Variants in SETX observed in about 807,000 individuals in gnomAD.
SETX encodes the protein helicase senataxin.
Under a neutral mutation model 227.2 loss-of-function variants are expected in SETX, and 90 were observed. The ratio of observed to expected loss-of-function variants is 0.40; its 90% CI spans 0.33 to 0.47. SETX has a LOEUF of 0.47. Among genes scored for constraint, SETX ranks in the 20% least tolerant of loss-of-function variants. The probability of loss-of-function intolerance (pLI) is 0.91; values close to 1 mark genes in which losing one functional copy is unlikely to be tolerated. For missense variants in SETX, 3,052 were observed against 3,181.5 expected, an observed-to-expected ratio of 0.96 and a Z score of 0.98; for synonymous variants, 1,210 against 1,113.2, an observed-to-expected ratio of 1.09 and a Z score of -1.73.
At chr9:132,315,172 C>T (rs1021204004) in intron 10 of SETX, among the ~76,000 whole-genome samples, 7 of 152,122 alleles carry the variant, frequency 4.6e-5, no homozygotes. Context: ...CTACTGTGGC[C>T]TTCCCAAGTG....
At chr9:132,277,031 C>CA (rs1417778497) in intron 22 of SETX, 29 bp downstream of exon 22, 2 of 1,560,008 alleles carry the variant, frequency 1.3e-6, no homozygotes, top group Non-Finnish European at 8.8e-7. Context: ...CTGGGACTAT[C>CA]AGAGGACTGA....
Position 132,299,675 on chromosome 9 carries a change from T to C in SETX, c.5548+955A>G, listed in dbSNP as rs141143343. On this transcript the variant is annotated intron_variant, in intron 12 of 25. Coordinates refer to ENST00000224140, the MANE Select transcript of SETX (RefSeq NM_015046.7). ...AGGCAGTTTGGCATAAGAAAAACAA[T>C]GTGGACTTTGCAGTCAACAAAAGCA... Among the ~76,000 whole-genome samples the C allele has an allele frequency of 3.3e-3, 496 of 152,320 alleles. 4 individuals are homozygous for C. Among genetic ancestry groups the C allele is most frequent in the African/African-American group, 0.011 (472 of 41,572 alleles).
intron 22 of SETX, among the ~76,000 whole-genome samples, chr9:132,275,875 G>A (rs1337741607): frequency 6.6e-6 from 1 of 152,104 alleles, no homozygotes; most frequent in Non-Finnish European, 1.5e-5. Flanking sequence ...ACCACTGGCT[G>A]CATACAACAC....
chr9:132,342,571 A>T, intron 5 of SETX, 119 bp downstream of exon 5: 2 of 856,938 alleles, frequency 2.3e-6, no homozygotes, highest in Non-Finnish European at 4.0e-6. Flanking sequence ...AGTAAATTTT[A>T]AAGCAAGAAA....
intron 5 of SETX, among the ~76,000 whole-genome samples, chr9:132,341,481 G>C (rs1847959548): frequency 6.6e-6 from 1 of 151,938 alleles, no homozygotes; most frequent in South Asian, 2.1e-4. Flanking sequence ...ATATAAATTT[G>C]GGCTGCTTTC....
At chr9:132,302,319 T>C (rs1296696206) in intron 11 of SETX, among the ~76,000 whole-genome samples, 2 of 126,930 alleles carry the variant, frequency 1.6e-5, no homozygotes, top group Non-Finnish European at 3.1e-5. Context: ...ATCACACCAC[T>C]GCACTCCAGC....
chr9:132,292,620 AAC>A (rs1564497265), intron 15 of SETX, among the ~76,000 whole-genome samples: 26 of 149,228 alleles, frequency 1.7e-4, no homozygotes, highest in Non-Finnish European at 2.8e-4. Flanking sequence ...AAAAGTTCCC[AAC>A]TCATTTTTTT....
intron 15 of SETX, among the ~76,000 whole-genome samples, chr9:132,289,195 A>G (rs1307256515): frequency 6.6e-6 from 1 of 152,192 alleles, no homozygotes; most frequent in Non-Finnish European, 1.5e-5. Flanking sequence ...ACTGTGCTCA[A>G]GGAGAAAGAT....
At chr9:132,296,382 A>C (rs2131286882) in intron 14 of SETX, among the ~76,000 whole-genome samples, 1 of 152,122 alleles carries the variant, frequency 6.6e-6, no homozygotes, top group South Asian at 2.1e-4. Flanking sequence ...GCGAAACCCC[A>C]TCTCTACTAA....
Position 132,264,084 on chromosome 9 carries a change from A to ATG in SETX, c.*153_*154dup, listed in dbSNP as rs1263756927. On this transcript the variant is annotated 3_prime_UTR_variant, in exon 26 of 26. Coordinates refer to ENST00000224140, the MANE Select transcript of SETX (RefSeq NM_015046.7). ...TTGCAAATGACAGAAAATACTGAAG[A>ATG]TGACCAGAGGCTCAGGTGTTAAGGA... 1 of 1,007,206 alleles carries ATG rather than the reference A, an allele frequency of 9.9e-7. No homozygotes were observed. Among genetic ancestry groups the ATG allele is most frequent in the Non-Finnish European group, 1.5e-6 (1 of 672,990 alleles). 62.4% of individuals were successfully genotyped at this position (1,007,206 alleles called of 1,614,324 possible).
At position 132,347,034 on chromosome 9, in the gene SETX, C is replaced by A. The variant is rs143798847; in HGVS notation, c.178-563G>T. ...CTTTGAGAGGCTGAGGTGGGCGGAT[C>A]ACCTGAGGTCGGGAGTTCAGAACCA... On this transcript the variant is annotated intron_variant, in intron 3 of 25. Transcript: ENST00000224140. 5.2e-3 allele frequency among the ~76,000 whole-genome samples: 784 copies of A among 152,156 alleles called. 14 individuals are homozygous for A. Among genetic ancestry groups the A allele is most frequent in the African/African-American group, 0.018 (748 of 41,510 alleles).
intron 21 of SETX, among the ~76,000 whole-genome samples, chr9:132,277,728 G>A (rs1289717932): frequency 6.9e-6 from 1 of 144,810 alleles, no homozygotes; most frequent in African/African-American, 2.6e-5. Context: ...AAGCTGCAGT[G>A]AGCCAGGACT....
At chr9:132,296,819 T>C in intron 14 of SETX, 68 bp downstream of exon 14, 1 of 1,359,802 alleles carries the variant, frequency 7.4e-7, no homozygotes, top group Non-Finnish European at 1.1e-6. Flanking sequence ...TATTTACATG[T>C]CAGTTAACTC....
chr9:132,321,445 A>T (rs1022034544), intron 10 of SETX, among the ~76,000 whole-genome samples: 3 of 152,130 alleles, frequency 2.0e-5, no homozygotes, highest in African/African-American at 4.8e-5. Context: ...TCAAGATGTC[A>T]GGAGATCGAG....
At chr9:132,303,315 G>A (rs1262547782) in intron 11 of SETX, among the ~76,000 whole-genome samples, 6 of 133,236 alleles carry the variant, frequency 4.5e-5, no homozygotes, top group Admixed American at 3.3e-4. Context: ...GAACCACTGC[G>A]TCTGACTTCT....
At chr9:132,266,725 T>C (rs1842670301) in intron 25 of SETX, among the ~76,000 whole-genome samples, 1 of 152,054 alleles carries the variant, frequency 6.6e-6, no homozygotes, top group Non-Finnish European at 1.5e-5. Flanking sequence ...TGAGCTGAGA[T>C]TGTGCCACTG....
chr9:132,291,638 A>G (rs1160030569), intron 15 of SETX, among the ~76,000 whole-genome samples: 1 of 152,176 alleles, frequency 6.6e-6, no homozygotes, highest in African/African-American at 2.4e-5. Context: ...AAAAACAGAG[A>G]GAGAGCTGAA....
At chr9:132,280,210 T>C (rs1843421964) in intron 20 of SETX, among the ~76,000 whole-genome samples, 1 of 152,228 alleles carries the variant, frequency 6.6e-6, no homozygotes, top group Non-Finnish European at 1.5e-5. Flanking sequence ...AGGCACCTTA[T>C]GGAAATGAAC....
At chr9:132,318,330 C>T (rs1232472712) in intron 10 of SETX, among the ~76,000 whole-genome samples, 1 of 152,100 alleles carries the variant, frequency 6.6e-6, no homozygotes, top group African/African-American at 2.4e-5. Flanking sequence ...TTTTGCTTTA[C>T]CTGCTCCATG....
Sources: gnomAD v4.1 joint callset for allele counts (sites outside exome capture counted in the v4.1 genomes callset) on GRCh38, gnomAD v4.1.1 for gene constraint, MANE v1.5 for transcripts, NCBI Gene and HGNC (gene_info 2026-07-23, HGNC 2026-07-21) for gene names.